The following GLI4 variants were observed in gnomAD, a reference collection of about 807,000 sequenced individuals.
The protein encoded by GLI4 is GLI family zinc finger 4.
A neutral mutation model predicts 30.9 loss-of-function variants in GLI4; 34 were observed. The observed-to-expected ratio is 1.10, with a 90% confidence interval of 0.84 to 1.47. The LOEUF (loss-of-function observed/expected upper bound fraction) is 1.47, where lower values mean the gene tolerates loss of function less well. GLI4 is among the 40% of genes most tolerant of loss of function. The probability of loss-of-function intolerance (pLI) is 0.00; values close to 1 mark genes in which losing one functional copy is unlikely to be tolerated. For synonymous variants in GLI4, 277 were observed against 236.7 expected, an observed-to-expected ratio of 1.17 and a Z score of -1.56; for missense variants, 696 against 538.9, an observed-to-expected ratio of 1.29 and a Z score of -2.89.
chr8:143,267,652 G>C, intron 1 of GLI4, 168 bp downstream of exon 1: 1 of 985,378 alleles, frequency 1.0e-6, no homozygotes, highest in Non-Finnish European at 1.2e-6. Flanking sequence ...AGCGGGGTGG[G>C]CTCCTGGGGG....
At position 143,268,177 on chromosome 8, in the gene GLI4, CCCTT is replaced by C. The variant is rs1815180310; in HGVS notation, c.-38+696_-38+699del. ...AGTGGCCACCTACCTGGTGACCTGA[CCCTT>C]CCCATCATTAGGGGATGGAGGCTGG... is the stretch of plus-strand genomic sequence containing the variant. On this transcript the variant is annotated intron_variant, in intron 1 of 3. Transcript: ENST00000340042. The C allele has an allele frequency of 4.0e-6, 3 of 755,726 alleles. No homozygotes were observed. In the African/African-American group the frequency reaches 5.7e-5, roughly 14 times the overall value. 46.8% of individuals were successfully genotyped at this position (755,726 alleles called of 1,614,324 possible). A position where few individuals can be genotyped will look rare whatever the true frequency, so the allele number is the denominator to read the frequency against.
intron 1 of GLI4, among the ~76,000 whole-genome samples, chr8:143,268,278 C>T (rs974653892): frequency 6.6e-6 from 1 of 152,334 alleles, no homozygotes; most frequent in East Asian, 1.9e-4. Flanking sequence ...CAGGCACTGT[C>T]TGCTGTTCTT....
At chr8:143,271,402 C>T (rs975922628) in intron 2 of GLI4, among the ~76,000 whole-genome samples, 3 of 152,214 alleles carry the variant, frequency 2.0e-5, no homozygotes, top group Non-Finnish European at 4.4e-5. Flanking sequence ...CAATGGGCAG[C>T]TACTGTCCCA....
intron 1 of GLI4, among the ~76,000 whole-genome samples, chr8:143,268,334 C>G (rs1280211472): frequency 6.6e-6 from 1 of 152,230 alleles, no homozygotes; most frequent in South Asian, 2.1e-4. Context: ...CCGTTCCTTT[C>G]TTCACTCCCT....
In GLI4 at chr8:143,276,092, G is replaced by C. The variant is rs1351347383; in HGVS notation, c.419G>C (p.Arg140Pro). The C allele has an allele frequency of 3.5e-6, 5 of 1,413,690 alleles. No individual in the cohort carries two copies. The highest frequency in any genetic ancestry group is 4.6e-6 in the Non-Finnish European group (5 of 1,094,746). The allele number at this position is 1,413,690 out of a possible 1,614,324, so 87.6% of individuals were successfully genotyped here. A position where few individuals can be genotyped will look rare whatever the true frequency, so the allele number is the denominator to read the frequency against. The change falls in exon 4 of 4, where the codon CGG becomes CCG. Residue 140 changes from arginine (R) to proline (P), a missense_variant. Arg to Pro is a moderately radical substitution (Grantham distance 103). Transcript: ENST00000340042. Reference protein sequence around the residue: ...PPGAVPCAQPRGAWRVTLVQQ... With the variant: ...PPGAVPCAQPPGAWRVTLVQQ... ...GGGGCCGTCCCTTGCGCCCAGCCGC[G>C]GGGCGCCTGGCGCGTGACGCTCGTG...
chr8:143,276,360 C>T lies in GLI4; in HGVS notation c.687C>T (p.His229=), dbSNP rs1363276569. 1.2e-6 allele frequency: 2 copies of T among 1,612,336 alleles called. No homozygotes were observed. Among genetic ancestry groups the T allele is most frequent in the Non-Finnish European group, 1.7e-6 (2 of 1,179,676 alleles). Reference sequence around the variant, plus strand: ...GCGGCTGGTCGGGCTTCATCCAGCACCACCGCATCCACACGGGCGAGAAGC... The same window carrying T: ...GCGGCTGGTCGGGCTTCATCCAGCATCACCGCATCCACACGGGCGAGAAGC... The part of the protein sequence containing the change: ...RFRGWSGFIQ[H]HRIHTGEKPY... The change falls in exon 4 of 4, where the codon CAC becomes CAT. Residue 229 remains histidine, a synonymous_variant. Coordinates refer to ENST00000340042, the MANE Select transcript of GLI4 (RefSeq NM_138465.4).
chr8:143,275,862 C>T (rs61620747), intron 3 of GLI4, 35 bp from the exon 4 acceptor site: 1 of 1,262,404 alleles, frequency 7.9e-7, no homozygotes, highest in Non-Finnish European at 1.0e-6. Context: ...TGGGGGCATG[C>T]GGGTACTATC....
At chr8:143,269,850 C>T (rs559110570) in intron 2 of GLI4, among the ~76,000 whole-genome samples, 6 of 152,370 alleles carry the variant, frequency 3.9e-5, no homozygotes, top group African/African-American at 1.4e-4. Flanking sequence ...AAGGCATCGC[C>T]CCTCTGAGTG....
At position 143,276,756 on chromosome 8, in the gene GLI4, C is replaced by T. The variant is rs1392674600; in HGVS notation, c.1083C>T (p.Gly361=). 14 of 1,603,516 alleles carry T rather than the reference C, an allele frequency of 8.7e-6. No homozygotes were observed. The highest frequency in any genetic ancestry group is 1.2e-5 in the Non-Finnish European group (14 of 1,175,984). ...GTGGCGCCTGCGGCAAGGCCTTCGG[C>T]CAGAGCTCCCAGCTCATCCAGCACC... The part of the protein sequence containing the change: ...FACGACGKAF[G]QSSQLIQHQR... Residue 361 remains glycine, a synonymous_variant, in exon 4 of 4, where the codon GGC becomes GGT. Coordinates refer to ENST00000340042, the MANE Select transcript of GLI4 (RefSeq NM_138465.4).
rs1367404352 is a variant in GLI4 at position 143,276,841 on chromosome 8, C to T, written c.*37C>T. 2.3e-6 allele frequency: 3 copies of T among 1,303,980 alleles called. No individual in the cohort carries two copies. The highest frequency in any genetic ancestry group is 3.1e-6 in the Non-Finnish European group (3 of 957,718). The allele number at this position is 1,303,980 out of a possible 1,614,324, so 80.8% of individuals were successfully genotyped here. A position where few individuals can be genotyped will look rare whatever the true frequency, so the allele number is the denominator to read the frequency against. On this transcript the variant is annotated 3_prime_UTR_variant, in exon 4 of 4. Transcript: ENST00000340042. ...CTCGGGGCTCGGCCTCCTACCTGCCCCCAACCCACCCTCCACCCCGTCCCC... is the reference window on the plus strand; with the variant it reads ...CTCGGGGCTCGGCCTCCTACCTGCCTCCAACCCACCCTCCACCCCGTCCCC...
chr8:143,275,107 C>T (rs1359030397), intron 3 of GLI4: 6 of 1,535,672 alleles, frequency 3.9e-6, no homozygotes, highest in South Asian at 1.2e-5. Flanking sequence ...CTCCACCTGC[C>T]TTGGGCTGGG....
chr8:143,268,046 G>A (rs1414646103), intron 1 of GLI4: 4 of 985,320 alleles, frequency 4.1e-6, no homozygotes, highest in Non-Finnish European at 4.8e-6. Context: ...TCAGTCCTGG[G>A]GGCCAAGCCA....
At chr8:143,267,898 A>G in intron 1 of GLI4, 1 of 985,394 alleles carries the variant, frequency 1.0e-6, no homozygotes. Context: ...GTCCGCTCCC[A>G]CGGGGCTGGG....
At position 143,276,111 on chromosome 8, in the gene GLI4, G is replaced by A; in HGVS notation, c.438G>A (p.Thr146=). 2.0e-6 allele frequency: 3 copies of A among 1,465,804 alleles called. No individual in the cohort carries two copies. The East Asian group carries it at 8.3e-5, about 40-fold the overall frequency. 90.8% of individuals were successfully genotyped at this position (1,465,804 alleles called of 1,614,324 possible). A position where few individuals can be genotyped will look rare whatever the true frequency, so the allele number is the denominator to read the frequency against. ...AGCCGCGGGGCGCCTGGCGCGTGAC[G>A]CTCGTGCAGCAAGCAGCGGCCGGGC... ...CAQPRGAWRV[T]LVQQAAAGPE... The change falls in exon 4 of 4, where the codon ACG becomes ACA. Residue 146 remains threonine, a synonymous_variant. Coordinates refer to ENST00000340042, the MANE Select transcript of GLI4 (RefSeq NM_138465.4).
chr8:143,275,205 C>A, intron 3 of GLI4: 1 of 1,535,624 alleles, frequency 6.5e-7, no homozygotes, highest in Non-Finnish European at 8.7e-7. Context: ...ATGGCCTCCC[C>A]TCAGCCTGGT....
chr8:143,269,650 T>C, intron 2 of GLI4, 130 bp downstream of exon 2: 1 of 773,574 alleles, frequency 1.3e-6, no homozygotes, highest in South Asian at 1.5e-5. Flanking sequence ...TGCAGCTCCT[T>C]CAGCAGCTGG....
At chr8:143,269,627 C>G (rs577456591) in intron 2 of GLI4, 107 bp downstream of exon 2, 55 of 911,258 alleles carry the variant, frequency 6.0e-5, no homozygotes, top group Non-Finnish European at 9.3e-5. Flanking sequence ...AGAGGCGCCT[C>G]CAGACACCTG....
chr8:143,274,922 C>A, intron 3 of GLI4, 120 bp downstream of exon 3: 1 of 1,477,714 alleles, frequency 6.8e-7, no homozygotes, highest in South Asian at 1.3e-5. Context: ...GGCCCCTTTT[C>A]TTCCCTGGCA....
rs550310860 is a variant in GLI4 at position 143,267,539 on chromosome 8, C to T, written c.-38+55C>T. On this transcript the variant is annotated intron_variant, in intron 1 of 3. Transcript: ENST00000340042. Reference sequence around the variant, plus strand: ...CCGGGTGCCTGGGACCAGCCCAGTCCGAGCTCGTGCGCCGTACTCCGCGGT... The same window carrying T: ...CCGGGTGCCTGGGACCAGCCCAGTCTGAGCTCGTGCGCCGTACTCCGCGGT... The T allele has an allele frequency of 2.6e-3, 2,528 of 985,620 alleles. 40 individuals are homozygous for T. The African/African-American group carries it at 0.033, about 13-fold the overall frequency. The allele number at this position is 985,620 out of a possible 1,614,324, so 61.1% of individuals were successfully genotyped here.
Sources: allele counts gnomAD v4.1 joint callset (sites outside exome capture counted in the v4.1 genomes callset), GRCh38; gene constraint gnomAD v4.1.1; transcripts MANE v1.5; gene names NCBI Gene and HGNC (gene_info 2026-07-23, HGNC 2026-07-21).